RER1: variants seen among roughly 807,000 people sequenced by gnomAD.
RER1 encodes the protein retention in endoplasmic reticulum sorting receptor 1.
In RER1, 6 loss-of-function variants were observed where a neutral mutation model predicts 28.3. That is an observed-to-expected ratio of 0.21 (90% CI 0.12 to 0.42). The LOEUF (loss-of-function observed/expected upper bound fraction) is 0.42, where lower values mean the gene tolerates loss of function less well. Ranked by LOEUF, RER1 falls within the 10% of genes least tolerant of loss-of-function variation. RER1 has a pLI of 1.00. For synonymous variants in RER1, 110 were observed against 95.9 expected, an observed-to-expected ratio of 1.15 and a Z score of -0.86; for missense variants, 159 against 252.9, an observed-to-expected ratio of 0.63 and a Z score of 2.52.
chr1:2,394,347 C>G (rs1242711401), intron 1 of RER1: 1 of 152,220 alleles, frequency 6.6e-6, no homozygotes, highest in Non-Finnish European at 1.5e-5. Context: ...ATCACTTCAG[C>G]GCATCAGTTG....
chr1:2,401,906 GC>G, intron 5 of RER1: 2 of 918,466 alleles, frequency 2.2e-6, no homozygotes, highest in Non-Finnish European at 3.2e-6. Context: ...CAGATCGCAG[GC>G]CCAGCCAGCA....
rs1467162572 is a variant in RER1, at chr1:2,403,293, G to A, written c.*169G>A. On this transcript the variant is annotated 3_prime_UTR_variant, in exon 7 of 7. Coordinates refer to ENST00000605895, the MANE Select transcript of RER1 (RefSeq NM_007033.5). Reference sequence around the variant, plus strand: ...ATATCAGGTTCTAGAAGAAACTGGCGCTTAAACCAAATCGCATGGATTTCT... The same window carrying A: ...ATATCAGGTTCTAGAAGAAACTGGCACTTAAACCAAATCGCATGGATTTCT... 2 of 584,408 alleles carry A rather than the reference G, an allele frequency of 3.4e-6. No individual in the cohort carries two copies. Among genetic ancestry groups the A allele is most frequent in the East Asian group, 2.9e-5 (1 of 34,120 alleles). The allele number at this position is 584,408 out of a possible 1,614,324, so 36.2% of individuals were successfully genotyped here.
In RER1 at chr1:2,403,244, G is replaced by A; in HGVS notation, c.*120G>A. 1.4e-6 allele frequency: 1 copy of A among 698,402 alleles called. No homozygotes were observed. Among genetic ancestry groups the A allele is most frequent in the Non-Finnish European group, 2.5e-6 (1 of 396,520 alleles). 43.3% of individuals were successfully genotyped at this position (698,402 alleles called of 1,614,324 possible). A position where few individuals can be genotyped will look rare whatever the true frequency, so the allele number is the denominator to read the frequency against. ...GGAGTCAAATTTTCTTTTTAAAAAG[G>A]AGCTTCAATGATTTGTAACTGAAAT... On this transcript the variant is annotated 3_prime_UTR_variant, in exon 7 of 7. Coordinates refer to ENST00000605895, the MANE Select transcript of RER1 (RefSeq NM_007033.5).
intron 5 of RER1, chr1:2,401,926 G>C: frequency 7.8e-7 from 1 of 1,286,456 alleles, no homozygotes; most frequent in South Asian, 1.6e-5. Flanking sequence ...CAGGCATGGG[G>C]CCCCCAGCCT....
At chr1:2,401,425 T>TC (rs1642861110) in intron 5 of RER1, among the ~76,000 whole-genome samples, 1 of 24,172 alleles carries the variant, frequency 4.1e-5, no homozygotes, top group African/African-American at 1.7e-4. Context: ...CTCCTTCCTC[T>TC]CTCCCATCCC....
chr1:2,394,570 G>A (rs1123571), intron 1 of RER1: 60,377 of 152,110 alleles, frequency 0.4, 12,812 homozygotes, highest in Non-Finnish European at 0.46. Flanking sequence ...TTTCTTATCT[G>A]TAAATGAGAA....
intron 5 of RER1, among the ~76,000 whole-genome samples, chr1:2,401,341 T>TCCTCCCTC (rs377291991): frequency 4.0e-4 from 1 of 2,528 alleles, no homozygotes; most frequent in African/African-American, 1.7e-3. Flanking sequence ...CCTCCCTCCT[T>TCCTCCCTC]CTCCCTCCTT....
At chr1:2,401,872 CA>C (rs1325018499) in intron 5 of RER1, 1 of 690,710 alleles carries the variant, frequency 1.4e-6, no homozygotes, top group Non-Finnish European at 2.4e-6. Flanking sequence ...GGATGGTCCA[CA>C]AGACACAGCC....
At position 2,401,036 on chromosome 1, in the gene RER1, T is replaced by C. The variant is rs921716471; in HGVS notation, c.365+101T>C. On this transcript the variant is annotated intron_variant, in intron 5 of 6. Transcript: ENST00000605895. ...TTCAAGTCACCTGAAAGATGACTGC[T>C]GTGCTGGGCTGGGCACGGGGAATCG... is the stretch of plus-strand genomic sequence containing the variant. 45 of 989,214 alleles carry C rather than the reference T, an allele frequency of 4.5e-5. No individual in the cohort carries two copies. In the African/African-American group the frequency reaches 6.4e-4, roughly 14 times the overall value. 61.3% of individuals were successfully genotyped at this position (989,214 alleles called of 1,614,324 possible). A position where few individuals can be genotyped will look rare whatever the true frequency, so the allele number is the denominator to read the frequency against.
chr1:2,397,036 A>G (rs1164771112), intron 2 of RER1, 80 bp from the exon 3 acceptor site: 3 of 876,392 alleles, frequency 3.4e-6, no homozygotes, highest in African/African-American at 1.7e-5. Flanking sequence ...AGCCAACCCT[A>G]GCAGAAGGTA....
intron 5 of RER1, among the ~76,000 whole-genome samples, chr1:2,401,235 C>CCCTCCTT (rs1642845583): frequency 9.1e-6 from 1 of 110,134 alleles, no homozygotes; most frequent in Non-Finnish European, 2.0e-5. Flanking sequence ...CTCCCTTCCT[C>CCCTCCTT]CCTCCTTCCT....
chr1:2,403,492 CT>C lies in RER1; in HGVS notation c.*370del. On this transcript the variant is annotated 3_prime_UTR_variant, in exon 7 of 7. Coordinates refer to ENST00000605895, the MANE Select transcript of RER1 (RefSeq NM_007033.5). ...GAACGGGCCGCTCCCCGCCAGCCGCCTTCCCCAGCAGCCGCAGGTGGTGCCA... is the reference window on the plus strand; with the variant it reads ...GAACGGGCCGCTCCCCGCCAGCCGCCTCCCCAGCAGCCGCAGGTGGTGCCA... The C allele has an allele frequency of 3.4e-6, 1 of 292,216 alleles. No homozygotes were observed. 18.1% of individuals were successfully genotyped at this position (292,216 alleles called of 1,614,324 possible).
At chr1:2,392,650 C>T (rs768634797) in intron 1 of RER1, among the ~76,000 whole-genome samples, 2 of 152,172 alleles carry the variant, frequency 1.3e-5, no homozygotes, top group Non-Finnish European at 2.9e-5. Flanking sequence ...AGAGACTGGC[C>T]GCTAGTCCTG....
Position 2,403,502 on chromosome 1 carries a change from A to C in RER1, c.*378A>C, listed in dbSNP as rs1241023092. On this transcript the variant is annotated 3_prime_UTR_variant, in exon 7 of 7. Coordinates refer to ENST00000605895, the MANE Select transcript of RER1 (RefSeq NM_007033.5). ...CTCCCCGCCAGCCGCCTTCCCCAGC[A>C]GCCGCAGGTGGTGCCAGCCACTCCA... 3.4e-6 allele frequency: 1 copy of C among 292,014 alleles called. No individual in the cohort carries two copies. The highest frequency in any genetic ancestry group is 1.2e-3 in the Middle Eastern group (1 of 810). 18.1% of individuals were successfully genotyped at this position (292,014 alleles called of 1,614,324 possible).
At chr1:2,399,130 CT>C (rs1196814191) in intron 3 of RER1, among the ~76,000 whole-genome samples, 1 of 152,214 alleles carries the variant, frequency 6.6e-6, no homozygotes, top group African/African-American at 2.4e-5. Context: ...TGTGGGGCGT[CT>C]GTGGCTTCAG....
chr1:2,395,649 G>A, intron 1 of RER1, 135 bp from the exon 2 acceptor site: 1 of 693,072 alleles, frequency 1.4e-6, no homozygotes, highest in Non-Finnish European at 2.6e-6. Flanking sequence ...ACAATTCATG[G>A]TAAAAACACA....
At chr1:2,396,958 C>G (rs1642776369) in intron 2 of RER1, among the ~76,000 whole-genome samples, 158 bp from the exon 3 acceptor site, 1 of 152,248 alleles carries the variant, frequency 6.6e-6, no homozygotes, top group Admixed American at 6.5e-5. Flanking sequence ...GTAGTCACTT[C>G]TTTGTGCTGA....
chr1:2,401,563 G>A (rs1391178895), intron 5 of RER1, among the ~76,000 whole-genome samples: 1 of 151,050 alleles, frequency 6.6e-6, no homozygotes, highest in Non-Finnish European at 1.5e-5. Flanking sequence ...GCCGTCAGAG[G>A]GACGGGAGCG....
rs897093203 is a variant in RER1, at chr1:2,403,483, G to A, written c.*359G>A. ...GCGAGGGAGGAACGGGCCGCTCCCC[G>A]CCAGCCGCCTTCCCCAGCAGCCGCA... is the stretch of plus-strand genomic sequence containing the variant. On this transcript the variant is annotated 3_prime_UTR_variant, in exon 7 of 7. Coordinates refer to ENST00000605895, the MANE Select transcript of RER1 (RefSeq NM_007033.5). 1.5e-4 allele frequency: 43 copies of A among 293,780 alleles called. 3 individuals carry two copies. The highest frequency in any genetic ancestry group is 1.3e-3 in the South Asian group (42 of 33,594). The allele number at this position is 293,780 out of a possible 1,614,324, so 18.2% of individuals were successfully genotyped here.
Sources: allele counts gnomAD v4.1 joint callset (sites outside exome capture counted in the v4.1 genomes callset), GRCh38; gene constraint gnomAD v4.1.1; transcripts MANE v1.5; gene names NCBI Gene and HGNC (gene_info 2026-07-23, HGNC 2026-07-21).